Variants in ERC1 observed in about 807,000 individuals in gnomAD.
ERC1 encodes ELKS/RAB6-interacting/CAST family member 1.
Under a neutral mutation model 132.0 loss-of-function variants are expected in ERC1, and 56 were observed. That is an observed-to-expected ratio of 0.42 (90% CI 0.34 to 0.53). The LOEUF (loss-of-function observed/expected upper bound fraction) is 0.53, where lower values mean the gene tolerates loss of function less well. Ranked by LOEUF, ERC1 falls within the 20% of genes least tolerant of loss-of-function variation. ERC1 has a pLI of 0.03. For synonymous variants in ERC1, 478 were observed against 476.1 expected (o/e 1.00, Z -0.05); for missense variants, 1,202 against 1,349.9 (o/e 0.89, Z 1.72).
chr12:1,005,457 A>T (rs1963397994), intron 1 of ERC1, among the ~76,000 whole-genome samples: 1 of 152,128 alleles, frequency 6.6e-6, no homozygotes, highest in Non-Finnish European at 1.5e-5. Context: ...CTAAACTTTT[A>T]TATGAAATTT....
chr12:1,106,856 A>G (rs916163472), intron 4 of ERC1, among the ~76,000 whole-genome samples: 22 of 152,142 alleles, frequency 1.4e-4, no homozygotes, highest in African/African-American at 5.3e-4. Context: ...AGTTGTGTGA[A>G]CCTTCAGCCA....
At chr12:1,355,241 T>C (rs1328314799) in intron 15 of ERC1, among the ~76,000 whole-genome samples, 1 of 152,234 alleles carries the variant, frequency 6.6e-6, no homozygotes, top group Non-Finnish European at 1.5e-5. Context: ...CACTAAACTT[T>C]GAATTTCATA....
chr12:1,187,185 C>CT (rs1359872950), intron 11 of ERC1, among the ~76,000 whole-genome samples: 3 of 151,930 alleles, frequency 2.0e-5, no homozygotes, highest in African/African-American at 4.8e-5. Context: ...AAAAATATGC[C>CT]TTTTTTTGAG....
chr12:1,155,125 C>G (rs1288667452), intron 8 of ERC1, among the ~76,000 whole-genome samples: 1 of 152,044 alleles, frequency 6.6e-6, no homozygotes, highest in Non-Finnish European at 1.5e-5. Context: ...CAAGACAAAC[C>G]TGGCAACATG....
rs1194373270 is a variant in ERC1, at chr12:1,333,322, T to A, written c.2781-38511T>A. ...GCCGCATAGTATTCCGTGGTGTATA[T>A]GTACCGCATTTTTTTTTTTTTTTTT... On this transcript the variant is annotated intron_variant, in intron 15 of 18. Coordinates refer to ENST00000360905, the MANE Select transcript of ERC1 (RefSeq NM_178040.4). Among the ~76,000 whole-genome samples the A allele has an allele frequency of 3.3e-5, 5 of 149,840 alleles. No individual in the cohort carries two copies. In the East Asian group the frequency reaches 7.8e-4, roughly 23 times the overall value.
intron 13 of ERC1, chr12:1,244,725 C>T: frequency 2.8e-6 from 1 of 353,572 alleles, no homozygotes. Context: ...CGGGGTTTCA[C>T]CATGTTGGCC....
At chr12:1,267,371 A>C (rs973024307) in intron 14 of ERC1, among the ~76,000 whole-genome samples, 1 of 152,266 alleles carries the variant, frequency 6.6e-6, no homozygotes, top group African/African-American at 2.4e-5. Context: ...AAGTCTCAGA[A>C]TTGCCAGGGG....
chr12:998,635 T>C (rs1592582115), intron 1 of ERC1, among the ~76,000 whole-genome samples: 1 of 152,316 alleles, frequency 6.6e-6, no homozygotes, highest in Middle Eastern at 3.4e-3. Context: ...TATTCTGTTA[T>C]CAGCCAGTCA....
Position 1,182,045 on chromosome 12 carries a change from G to T in ERC1, c.1996G>T (p.Gly666Cys). 6.2e-7 allele frequency: 1 copy of T among 1,613,904 alleles called. No individual in the cohort carries two copies. The change falls in exon 10 of 19, where the codon GGC (glycine) becomes TGC (cysteine). Residue 666 changes from glycine (G) to cysteine (C), a missense_variant. Transcript: ENST00000360905. ...GAAGGAAAAAGTCAGCCTGTTGCAAGGCGACCTTTCAGAGAAAGAGGTTAA... is the reference window on the plus strand; with the variant it reads ...GAAGGAAAAAGTCAGCCTGTTGCAATGCGACCTTTCAGAGAAAGAGGTTAA... ...DLKEKVSLLQ[G>C]DLSEKEASLL...
chr12:1,163,010 A>G (rs1952023289), intron 8 of ERC1, among the ~76,000 whole-genome samples: 1 of 152,218 alleles, frequency 6.6e-6, no homozygotes, highest in African/African-American at 2.4e-5. Flanking sequence ...AATGCGCAGT[A>G]AATGAAGTTT....
At chr12:1,307,335 T>TTG (rs2080958056) in intron 15 of ERC1, among the ~76,000 whole-genome samples, 1 of 152,216 alleles carries the variant, frequency 6.6e-6, no homozygotes, top group South Asian at 2.1e-4. Flanking sequence ...CTTTGTGGTG[T>TTG]TGTATGAATA....
intron 12 of ERC1, among the ~76,000 whole-genome samples, chr12:1,221,005 A>G (rs75481154): frequency 0.014 from 2,135 of 151,956 alleles, 54 homozygotes; most frequent in African/African-American, 0.048. Context: ...TTAAATTCCA[A>G]TCCCGCCACC....
chr12:1,444,496 C>A, intron 17 of ERC1, 66 bp from the exon 18 acceptor site: 1 of 1,127,510 alleles, frequency 8.9e-7, no homozygotes, highest in Admixed American at 2.3e-5. Flanking sequence ...ATATTTGAAC[C>A]TCTCATTTCA....
chr12:1,397,231 T>C (rs1409607287), intron 16 of ERC1, among the ~76,000 whole-genome samples: 4 of 152,198 alleles, frequency 2.6e-5, no homozygotes, highest in African/African-American at 9.6e-5. Flanking sequence ...AGACCTCTTA[T>C]AGAGGCAGTT....
At position 1,143,329 on chromosome 12, in the gene ERC1, C is replaced by CGTGTGTGTGTGTGTGTGT. The variant is rs4017792; in HGVS notation, c.1737+1577_1737+1594dup. ...TCCTAGCTCTGTTTGGCTTTTGACT[C>CGTGTGTGTGTGTGTGTGT]GTGTGTGTGTGTGTGTGTGTGTGTG... On this transcript the variant is annotated intron_variant, in intron 8 of 18. Transcript: ENST00000360905. 1.7e-4 allele frequency among the ~76,000 whole-genome samples: 22 copies of CGTGTGTGTGTGTGTGTGT among 128,970 alleles called. 1 individual carries two copies. Among genetic ancestry groups the CGTGTGTGTGTGTGTGTGT allele is most frequent in the East Asian group, 5.2e-4 (2 of 3,836 alleles). The allele number at this position is 128,970 out of a possible 152,430, so 84.6% of individuals were successfully genotyped here.
chr12:1,370,105 A>G (rs1424642454), intron 15 of ERC1, among the ~76,000 whole-genome samples: 1 of 152,232 alleles, frequency 6.6e-6, no homozygotes, highest in Admixed American at 6.5e-5. Flanking sequence ...CCTCAGGTCA[A>G]AAGCTCAGGC....
At chr12:1,408,819 C>A (rs2091669730) in intron 17 of ERC1, among the ~76,000 whole-genome samples, 1 of 152,198 alleles carries the variant, frequency 6.6e-6, no homozygotes, top group African/African-American at 2.4e-5. Flanking sequence ...ATTGATGAAT[C>A]TGAAGGGAAC....
At chr12:1,316,054 A>C (rs999553359) in intron 15 of ERC1, among the ~76,000 whole-genome samples, 12 of 151,940 alleles carry the variant, frequency 7.9e-5, no homozygotes, top group African/African-American at 1.9e-4. Flanking sequence ...ACGCCCGACT[A>C]ATTTTTTGTA....
chr12:1,406,166 T>G (rs1300056074), intron 16 of ERC1, among the ~76,000 whole-genome samples: 9 of 152,122 alleles, frequency 5.9e-5, no homozygotes, highest in African/African-American at 2.2e-4. Flanking sequence ...ACTGTTGTTA[T>G]CCCCATTTTA....
Sources: gnomAD v4.1 joint callset for allele counts (sites outside exome capture counted in the v4.1 genomes callset) on GRCh38, gnomAD v4.1.1 for gene constraint, MANE v1.5 for transcripts, NCBI Gene and HGNC (gene_info 2026-07-23, HGNC 2026-07-21) for gene names.